Variants in NEGR1 observed in about 807,000 individuals in gnomAD.
The protein encoded by NEGR1 is IgLON family member 4.
Under a neutral mutation model 40.9 loss-of-function variants are expected in NEGR1, and 10 were observed. The ratio of observed to expected loss-of-function variants is 0.24; its 90% CI spans 0.15 to 0.42. The LOEUF (loss-of-function observed/expected upper bound fraction) is 0.42, where lower values mean the gene tolerates loss of function less well. NEGR1 is among the 10% of genes least tolerant of loss of function. NEGR1 has a pLI of 1.00. For synonymous variants in NEGR1, 185 were observed against 166.8 expected, an observed-to-expected ratio of 1.11 and a Z score of -0.84; for missense variants, 352 against 438.9, an observed-to-expected ratio of 0.80 and a Z score of 1.77.
intron 1 of NEGR1, among the ~76,000 whole-genome samples, chr1:72,280,662 A>G (rs933024813): frequency 2.0e-5 from 3 of 152,218 alleles, no homozygotes; most frequent in African/African-American, 7.2e-5. Flanking sequence ...GTTATTCAAA[A>G]CAGAAATTAT....
At chr1:72,124,069 A>G (rs779106280) in intron 1 of NEGR1, among the ~76,000 whole-genome samples, 1 of 152,040 alleles carries the variant, frequency 6.6e-6, no homozygotes, top group Admixed American at 6.6e-5. Context: ...ATTGAAAGGG[A>G]TTGAAAACAT....
At chr1:72,245,179 T>C (rs1654865489) in intron 1 of NEGR1, among the ~76,000 whole-genome samples, 1 of 152,032 alleles carries the variant, frequency 6.6e-6, no homozygotes, top group Non-Finnish European at 1.5e-5. Context: ...TTATAGTGAC[T>C]TCACCAATAT....
intron 2 of NEGR1, among the ~76,000 whole-genome samples, chr1:71,877,521 C>T (rs1427460748): frequency 6.6e-6 from 1 of 152,008 alleles, no homozygotes; most frequent in African/African-American, 2.4e-5. Context: ...ATAAGAACAC[C>T]AGTCTTACTG....
chr1:71,938,322 A>C (rs1388920104), intron 1 of NEGR1, among the ~76,000 whole-genome samples: 1 of 151,888 alleles, frequency 6.6e-6, no homozygotes, highest in Non-Finnish European at 1.5e-5. Context: ...TGTAGTTTAA[A>C]GGTCTAGTAT....
intron 1 of NEGR1, among the ~76,000 whole-genome samples, chr1:72,197,484 T>C (rs1341191933): frequency 6.6e-6 from 1 of 152,032 alleles, no homozygotes; most frequent in Non-Finnish European, 1.5e-5. Flanking sequence ...CTATAATAAA[T>C]GAACTAGATT....
chr1:71,643,392 C>T (rs894015909), intron 4 of NEGR1, among the ~76,000 whole-genome samples: 1 of 151,884 alleles, frequency 6.6e-6, no homozygotes, highest in Admixed American at 6.6e-5. Flanking sequence ...AAATGATATG[C>T]TGGAAAATCA....
intron 1 of NEGR1, among the ~76,000 whole-genome samples, chr1:72,112,813 T>A (rs1649426795): frequency 6.6e-6 from 1 of 151,694 alleles, no homozygotes; most frequent in African/African-American, 2.4e-5. Context: ...ATAGTACAGG[T>A]TGTGCTTCTC....
chr1:71,713,735 C>T lies in NEGR1; in HGVS notation c.536-15596G>A, dbSNP rs75372023. 3.1e-4 allele frequency among the ~76,000 whole-genome samples: 47 copies of T among 152,238 alleles called. 1 individual carries two copies. The East Asian group carries it at 7.7e-3, about 25-fold the overall frequency. ...TGTAATAATTGTCACACCACCTTGACAATGCAAGACAGCATTCAAGGAACT... is the reference window on the plus strand; with the variant it reads ...TGTAATAATTGTCACACCACCTTGATAATGCAAGACAGCATTCAAGGAACT... On this transcript the variant is annotated intron_variant, in intron 3 of 6. Coordinates refer to ENST00000357731, the MANE Select transcript of NEGR1 (RefSeq NM_173808.3).
At chr1:71,711,819 G>A (rs515890) in intron 3 of NEGR1, among the ~76,000 whole-genome samples, 68,680 of 151,946 alleles carry the variant, frequency 0.45, 15,721 homozygotes, top group East Asian at 0.74. Flanking sequence ...TCATACATAT[G>A]AAACATGGAT....
intron 6 of NEGR1, among the ~76,000 whole-genome samples, chr1:71,522,341 A>G (rs1302634951): frequency 1.3e-5 from 2 of 151,992 alleles, no homozygotes; most frequent in African/African-American, 4.8e-5. Flanking sequence ...AAGAGAGAAG[A>G]CACTGGCTTG....
chr1:71,713,771 AG>A, intron 3 of NEGR1, among the ~76,000 whole-genome samples: 2 of 152,352 alleles, frequency 1.3e-5, no homozygotes, highest in Middle Eastern at 3.4e-3. Flanking sequence ...CTTTATGGAG[AG>A]GCTTCTAAAA....
intron 1 of NEGR1, among the ~76,000 whole-genome samples, chr1:72,008,245 T>A (rs1407734161): frequency 6.6e-6 from 1 of 152,124 alleles, no homozygotes; most frequent in African/African-American, 2.4e-5. Flanking sequence ...AGTTAATAAG[T>A]AGATTAATCA....
Position 71,920,232 on chromosome 1 carries a change from G to T in NEGR1, c.409+14847C>A, listed in dbSNP as rs1463874998. 2.0e-5 allele frequency among the ~76,000 whole-genome samples: 3 copies of T among 152,174 alleles called. No homozygotes were observed. The East Asian group carries it at 5.8e-4, about 29-fold the overall frequency. ...CTGATTGAGCTATTCCTCTCATCTT[G>T]TCCTGTTCCTACTCCTTCCCCACAG... On this transcript the variant is annotated intron_variant, in intron 2 of 6. Coordinates refer to ENST00000357731, the MANE Select transcript of NEGR1 (RefSeq NM_173808.3).
At chr1:72,078,473 T>C (rs1304606743) in intron 1 of NEGR1, among the ~76,000 whole-genome samples, 1 of 152,040 alleles carries the variant, frequency 6.6e-6, no homozygotes, top group Non-Finnish European at 1.5e-5. Flanking sequence ...GTCTAAACTT[T>C]TATGAATCTA....
intron 2 of NEGR1, among the ~76,000 whole-genome samples, chr1:71,807,410 C>T (rs1472821890): frequency 6.6e-6 from 1 of 151,816 alleles, no homozygotes; most frequent in Non-Finnish European, 1.5e-5. Context: ...TAAAAAATAA[C>T]AATAAAACAC....
chr1:71,878,025 A>T (rs1225610457), intron 2 of NEGR1, among the ~76,000 whole-genome samples: 3 of 152,194 alleles, frequency 2.0e-5, no homozygotes, highest in African/African-American at 7.2e-5. Context: ...CTAAAGTTAG[A>T]AATGACTTCA....
Position 72,282,381 on chromosome 1 carries a change from C to T in NEGR1, c.114G>A (p.Val38=), listed in dbSNP as rs1656292770. ...LPSCLPAGQS[V]DFPWAAVDNM... The stretch of plus-strand genomic sequence containing the variant: ...TGTCCACGGCCGCCCAGGGGAAGTC[C>T]ACACTCTGTCCAGCCGGGAGGCAGG... Residue 38 remains valine (V), a synonymous_variant, in exon 1 of 7, where the codon GTG becomes GTA. Coordinates refer to ENST00000357731, the MANE Select transcript of NEGR1 (RefSeq NM_173808.3). The T allele has an allele frequency of 1.2e-6, 2 of 1,613,946 alleles. No individual in the cohort carries two copies. The highest frequency in any genetic ancestry group is 8.5e-7 in the Non-Finnish European group (1 of 1,179,950).
At chr1:72,027,667 T>C (rs1320885063) in intron 1 of NEGR1, among the ~76,000 whole-genome samples, 1 of 152,186 alleles carries the variant, frequency 6.6e-6, no homozygotes, top group Non-Finnish European at 1.5e-5. Flanking sequence ...GTTAAAGCTA[T>C]ATAAATAATC....
chr1:72,180,407 G>A (rs973168859), intron 1 of NEGR1, among the ~76,000 whole-genome samples: 1 of 145,986 alleles, frequency 6.8e-6, no homozygotes, highest in Admixed American at 6.9e-5. Context: ...GGCCATGGAA[G>A]TGATATTTAA....
Sources: gnomAD v4.1 joint callset for allele counts (sites outside exome capture counted in the v4.1 genomes callset) on GRCh38, gnomAD v4.1.1 for gene constraint, MANE v1.5 for transcripts, NCBI Gene and HGNC (gene_info 2026-07-23, HGNC 2026-07-21) for gene names.